TM7SF3: variants seen among roughly 807,000 people sequenced by gnomAD.
The protein encoded by TM7SF3 is transmembrane 7 superfamily member 3.
In TM7SF3, 60 loss-of-function variants were observed where a neutral mutation model predicts 65.5. The observed-to-expected ratio is 0.92, with a 90% CI of 0.74 to 1.14. The LOEUF is 1.14. Among genes scored for constraint, TM7SF3 ranks in the 50% most tolerant of loss-of-function variants. The probability of loss-of-function intolerance (pLI) is 0.00; values close to 1 mark genes in which losing one functional copy is unlikely to be tolerated. For missense variants in TM7SF3, 623 were observed against 684.8 expected, an observed-to-expected ratio of 0.91 and a Z score of 1.01; for synonymous variants, 264 against 259.6, an observed-to-expected ratio of 1.02 and a Z score of -0.16.
intron 1 of TM7SF3, among the ~76,000 whole-genome samples, chr12:27,008,648 T>C (rs893192197): frequency 6.6e-6 from 1 of 152,196 alleles, no homozygotes; most frequent in African/African-American, 2.4e-5. Flanking sequence ...TTGTTTTATC[T>C]TTCACATTTA....
In TM7SF3 at chr12:26,974,202, G is replaced by A. The variant is rs1343843702; in HGVS notation, c.1476C>T (p.Gly492=). The change falls in exon 12 of 12, where the codon GGC becomes GGT. Residue 492 remains glycine, a synonymous_variant. Transcript: ENST00000343028. ...TNDFIILAVW[G]MLAVSGITLQ... ...ACGTAATTCCACTTACAGCCAGCAT[G>A]CCCCATACTGCCAGGATAATGAAGT... 2 of 1,614,004 alleles carry A rather than the reference G, an allele frequency of 1.2e-6. No homozygotes were observed. Among genetic ancestry groups the A allele is most frequent in the Non-Finnish European group, 1.7e-6 (2 of 1,179,992 alleles).
At chr12:26,988,672 TTGTGTG>T (rs147021582) in intron 6 of TM7SF3, among the ~76,000 whole-genome samples, 328 of 146,288 alleles carry the variant, frequency 2.2e-3, no homozygotes, top group East Asian at 4.0e-3. Context: ...GAGAAGAAAA[TTGTGTG>T]TGTGTGTGTG....
chr12:26,994,537 C>T (rs1388952978), intron 5 of TM7SF3, among the ~76,000 whole-genome samples: 2 of 152,122 alleles, frequency 1.3e-5, no homozygotes, highest in Non-Finnish European at 2.9e-5. Flanking sequence ...AGTAGAGACA[C>T]GGTTTCACCA....
intron 4 of TM7SF3, among the ~76,000 whole-genome samples, chr12:26,995,652 G>A (rs949096728): frequency 2.0e-5 from 3 of 152,182 alleles, no homozygotes; most frequent in African/African-American, 7.2e-5. Context: ...ATTAGGAGGT[G>A]GGACCTTTGG....
chr12:27,003,763 G>T (rs1417384516), intron 1 of TM7SF3, among the ~76,000 whole-genome samples: 3 of 152,186 alleles, frequency 2.0e-5, no homozygotes, highest in South Asian at 2.1e-4. Context: ...TGAATGTGCT[G>T]GTGTTAAAGA....
At chr12:27,008,137 CAAT>C (rs977913790) in intron 1 of TM7SF3, among the ~76,000 whole-genome samples, 32 of 151,916 alleles carry the variant, frequency 2.1e-4, no homozygotes, top group Admixed American at 5.9e-4. Flanking sequence ...AGTCTTCCAA[CAAT>C]GTTTTGCCAA....
At position 27,003,258 on chromosome 12, in the gene TM7SF3, T is replaced by C; in HGVS notation, c.224A>G (p.Asn75Ser). ...TACCGGAGAAAAGGAAACAGTTGTA[T>C]TCTGATACTGTGAGTGTATTTGGAA... ...LIFQIHSQYQ[N>S]TTVSFSPTLL... is the part of the protein sequence containing the mutation. Residue 75 changes from asparagine to serine, a missense_variant, in exon 2 of 12, where the codon AAT (asparagine) becomes AGT (serine). By Grantham distance (46) the Asn-to-Ser change is conservative. Coordinates refer to ENST00000343028, the MANE Select transcript of TM7SF3 (RefSeq NM_016551.3). The C allele has an allele frequency of 6.2e-7, 1 of 1,611,576 alleles. No individual in the cohort carries two copies. The highest frequency in any genetic ancestry group is 8.5e-7 in the Non-Finnish European group (1 of 1,178,634).
In TM7SF3 at chr12:26,996,973, A is replaced by G. The variant is rs12297834; in HGVS notation, c.398-111T>C. 3.8e-3 allele frequency: 4,230 copies of G among 1,126,016 alleles called. 120 individuals are homozygous for G. In the African/African-American group the frequency reaches 0.061, roughly 16 times the overall value. 69.8% of individuals were successfully genotyped at this position (1,126,016 alleles called of 1,614,324 possible). ...ACAAAAACTTCCCAAATAGAAGTTA[A>G]ATATAAACGTAGAGCTTCTAGTCGT... On this transcript the variant is annotated intron_variant, in intron 3 of 11. Coordinates refer to ENST00000343028, the MANE Select transcript of TM7SF3 (RefSeq NM_016551.3).
At chr12:27,005,310 T>C (rs1459718343) in intron 1 of TM7SF3, among the ~76,000 whole-genome samples, 1 of 152,202 alleles carries the variant, frequency 6.6e-6, no homozygotes, top group East Asian at 1.9e-4. Context: ...TCTTCAGTTT[T>C]TCCTTTTTGT....
rs1239397797 is a variant in TM7SF3 at position 26,990,496 on chromosome 12, T to C, written c.822A>G (p.Thr274=). The change falls in exon 6 of 12, where the codon ACA becomes ACG. Residue 274 remains threonine (T), a synonymous_variant. Coordinates refer to ENST00000343028, the MANE Select transcript of TM7SF3 (RefSeq NM_016551.3). ...CTCCTGCCTCAAAGCTGCAAGCGTA[T>C]GTGTGAGCAGGAATGTAGGCAGCAG... ...NTSAAYIPAH[T]YACSFEAGEG... is the part of the protein sequence containing the mutation. The C allele has an allele frequency of 6.2e-7, 1 of 1,613,920 alleles. No homozygotes were observed. Among genetic ancestry groups the C allele is most frequent in the Non-Finnish European group, 8.5e-7 (1 of 1,179,924 alleles).
At chr12:26,982,241 A>G (rs1453494984) in intron 7 of TM7SF3, among the ~76,000 whole-genome samples, 2 of 152,060 alleles carry the variant, frequency 1.3e-5, no homozygotes, top group African/African-American at 4.8e-5. Context: ...TCACCGAGTT[A>G]CCCAGGTTGG....
Position 26,974,244 on chromosome 12 carries a change from A to G in TM7SF3, c.1451-17T>C. The G allele has an allele frequency of 6.2e-7, 1 of 1,609,834 alleles. No individual in the cohort carries two copies. The highest frequency in any genetic ancestry group is 8.5e-7 in the Non-Finnish European group (1 of 1,177,854). ...TAATGAAGTCTAAAAAACAGTAGAA[A>G]AAGTACAGTTTGAACTCTAGTATTT... On this transcript the variant is annotated splice_polypyrimidine_tract_variant and intron_variant, in intron 11 of 11. Transcript: ENST00000343028.
At position 27,014,290 on chromosome 12, in the gene TM7SF3, A is replaced by C. The variant is rs1261517964; in HGVS notation, c.-122T>G. The C allele has an allele frequency of 1.2e-6, 1 of 801,936 alleles. No individual in the cohort carries two copies. The highest frequency in any genetic ancestry group is 3.9e-4 in the Middle Eastern group (1 of 2,542). The allele number at this position is 801,936 out of a possible 1,614,324, so 49.7% of individuals were successfully genotyped here. ...CCCGCATCGGGCGCCATCGCCCGCC[A>C]GGTGCAGACGCTTCGCACCTGCCAG... On this transcript the variant is annotated 5_prime_UTR_variant, in exon 1 of 12. Coordinates refer to ENST00000343028, the MANE Select transcript of TM7SF3 (RefSeq NM_016551.3).
At chr12:26,978,178 T>G (rs1939655227) in intron 9 of TM7SF3, 1 of 332,088 alleles carries the variant, frequency 3.0e-6, no homozygotes, top group African/African-American at 2.2e-5. Context: ...AGATAGTTCA[T>G]AAACAAACAT....
chr12:27,014,075 T>C lies in TM7SF3; in HGVS notation c.91+3A>G. ...TTGCAGAAGCCAGGCGCCCCGACCT[T>C]ACCCTCGCTGGAATTCCCGAAGACC... On this transcript the variant is annotated splice_donor_region_variant and intron_variant, in intron 1 of 11. Coordinates refer to ENST00000343028, the MANE Select transcript of TM7SF3 (RefSeq NM_016551.3). 6.4e-7 allele frequency: 1 copy of C among 1,564,760 alleles called. No individual in the cohort carries two copies. Among genetic ancestry groups the C allele is most frequent in the Non-Finnish European group, 8.7e-7 (1 of 1,154,190 alleles).
intron 2 of TM7SF3, 70 bp from the exon 3 acceptor site, chr12:26,999,746 T>C (rs1483502795): frequency 1.3e-6 from 2 of 1,525,870 alleles, no homozygotes; most frequent in African/African-American, 1.4e-5. Flanking sequence ...GCTGATCCAG[T>C]GTGCATGTCC....
chr12:26,990,609 T>C lies in TM7SF3; in HGVS notation c.709A>G (p.Asn237Asp), dbSNP rs773128034. The C allele has an allele frequency of 1.9e-6, 3 of 1,613,810 alleles. No individual in the cohort carries two copies. The highest frequency in any genetic ancestry group is 2.5e-6 in the Non-Finnish European group (3 of 1,179,742). Residue 237 changes from asparagine (N) to aspartate (D), a missense_variant, in exon 6 of 12, where the codon AAT (asparagine) becomes GAT (aspartate). Physicochemically the swap from Asn to Asp is conservative, Grantham distance 23. Transcript: ENST00000343028. Reference sequence around the variant, plus strand: ...GAGAAGGAAACACTTGTCTTATCATTAGCTGTTAGGGTAACCACCTGAAGC... The same window carrying C: ...GAGAAGGAAACACTTGTCTTATCATCAGCTGTTAGGGTAACCACCTGAAGC... ...SALKVVTLTA[N>D]DKTSVSFSSL...
intron 5 of TM7SF3, among the ~76,000 whole-genome samples, chr12:26,992,134 G>A (rs1242704683): frequency 6.6e-6 from 1 of 152,070 alleles, no homozygotes; most frequent in East Asian, 1.9e-4. Flanking sequence ...TAAACCCATC[G>A]TAAAGTCAAA....
intron 1 of TM7SF3, among the ~76,000 whole-genome samples, chr12:27,006,605 C>T (rs1291341780): frequency 1.3e-5 from 2 of 152,158 alleles, no homozygotes; most frequent in East Asian, 3.8e-4. Flanking sequence ...AACAGAAAGT[C>T]AACTCCTCCA....
Sources: gnomAD v4.1 joint callset for allele counts (sites outside exome capture counted in the v4.1 genomes callset) on GRCh38, gnomAD v4.1.1 for gene constraint, MANE v1.5 for transcripts, NCBI Gene and HGNC (gene_info 2026-07-23, HGNC 2026-07-21) for gene names.